Variants in MYO1E observed in about 807,000 individuals in gnomAD.
MYO1E encodes unconventional myosin-Ie.
MYO1E carries 68 observed loss-of-function variants against 151.1 expected under a neutral mutation model. That is an observed-to-expected ratio of 0.45 (90% confidence interval 0.37 to 0.55). MYO1E has a LOEUF of 0.55. Ranked by LOEUF, MYO1E falls within the 20% of genes least tolerant of loss-of-function variation. The pLI is 0.00. For synonymous variants in MYO1E, 601 were observed against 501.7 expected (o/e 1.20, Z -2.64); for missense variants, 1,363 against 1,389.3 (o/e 0.98, Z 0.30).
At chr15:59,178,784 T>C (rs535508685) in intron 18 of MYO1E, among the ~76,000 whole-genome samples, 24 of 152,334 alleles carry the variant, frequency 1.6e-4, no homozygotes, top group Non-Finnish European at 2.6e-4. Context: ...GTCAACACCC[T>C]GGTGAAAACC....
chr15:59,168,666 G>A (rs2079575166), intron 22 of MYO1E, among the ~76,000 whole-genome samples: 1 of 152,076 alleles, frequency 6.6e-6, no homozygotes, highest in Non-Finnish European at 1.5e-5. Context: ...TAACTACCAG[G>A]CTGGAGTGCA....
intron 12 of MYO1E, 102 bp downstream of exon 12, chr15:59,214,126 T>C (rs2079898721): frequency 1.1e-6 from 1 of 951,738 alleles, no homozygotes; most frequent in Non-Finnish European, 1.6e-6. Context: ...TTTCCTAATA[T>C]AAGACTGGAA....
intron 1 of MYO1E, among the ~76,000 whole-genome samples, chr15:59,313,401 A>G (rs1265482574): frequency 1.3e-5 from 2 of 152,320 alleles, no homozygotes; most frequent in African/African-American, 2.4e-5. Flanking sequence ...TCATGGTTCT[A>G]TGGGACAAGA....
chr15:59,307,392 C>A (rs2080520997), intron 1 of MYO1E, among the ~76,000 whole-genome samples: 1 of 152,176 alleles, frequency 6.6e-6, no homozygotes, highest in Non-Finnish European at 1.5e-5. Context: ...GGCTTACAGA[C>A]AACAGCAGCT....
chr15:59,236,289 G>A (rs1298714736), intron 5 of MYO1E, among the ~76,000 whole-genome samples: 1 of 150,672 alleles, frequency 6.6e-6, no homozygotes, highest in African/African-American at 2.4e-5. Context: ...GTTGTGGTGA[G>A]CCGAGATCGC....
At chr15:59,325,180 C>A (rs368593709) in intron 1 of MYO1E, among the ~76,000 whole-genome samples, 2 of 152,076 alleles carry the variant, frequency 1.3e-5, no homozygotes, top group African/African-American at 4.8e-5. Flanking sequence ...TGACTACAGG[C>A]GCCCGTCACC....
chr15:59,140,066 T>TTG lies in MYO1E; in HGVS notation c.3081-1701_3081-1700dup, dbSNP rs71425844. Among the ~76,000 whole-genome samples, 707 of 150,280 alleles carry TTG rather than the reference T, an allele frequency of 4.7e-3. 1 individual carries two copies. Among genetic ancestry groups the TTG allele is most frequent in the South Asian group, 0.014 (65 of 4,740 alleles). Reference sequence around the variant, plus strand: ...GACATTTGCGGCTGGGAATTCTCTGTTGTGTGTGTGTGTGTGTGTGTATGG... The same window carrying TTG: ...GACATTTGCGGCTGGGAATTCTCTGTTGTGTGTGTGTGTGTGTGTGTGTATGG... On this transcript the variant is annotated intron_variant, in intron 26 of 27. Coordinates refer to ENST00000288235, the MANE Select transcript of MYO1E (RefSeq NM_004998.4).
chr15:59,158,492 G>GA, intron 24 of MYO1E, 113 bp from the exon 25 acceptor site: 4 of 797,204 alleles, frequency 5.0e-6, no homozygotes, highest in Non-Finnish European at 8.6e-6. Context: ...CTCTCAGGTG[G>GA]ATCTGCAGGA....
At chr15:59,147,189 C>T (rs1207413236) in intron 26 of MYO1E, among the ~76,000 whole-genome samples, 1 of 152,190 alleles carries the variant, frequency 6.6e-6, no homozygotes, top group African/African-American at 2.4e-5. Context: ...AAACAAAACC[C>T]CAAATGACAT....
intron 26 of MYO1E, among the ~76,000 whole-genome samples, chr15:59,140,888 C>A (rs1471672160): frequency 6.6e-6 from 1 of 152,158 alleles, no homozygotes; most frequent in African/African-American, 2.4e-5. Context: ...ACCACCACCA[C>A]CCCCCTGCAC....
In MYO1E at chr15:59,170,676, T is replaced by G. The variant is rs140252490; in HGVS notation, c.2480+1221A>C. ...CTGCGGACTCATCTGCTTAGCAACT[T>G]TACCACATCCTGAGTTGGCACGTTT... On this transcript the variant is annotated intron_variant, in intron 22 of 27. Transcript: ENST00000288235. Among the ~76,000 whole-genome samples the G allele has an allele frequency of 5.4e-3, 817 of 152,238 alleles. 7 individuals are homozygous for G. Among genetic ancestry groups the G allele is most frequent in the African/African-American group, 0.019 (782 of 41,544 alleles).
chr15:59,292,419 G>C (rs918659509), intron 1 of MYO1E, among the ~76,000 whole-genome samples: 4 of 152,164 alleles, frequency 2.6e-5, no homozygotes, highest in Admixed American at 1.3e-4. Flanking sequence ...CGACTGGCAG[G>C]CATATGAGTT....
At chr15:59,369,270 C>T (rs2080931482) in intron 1 of MYO1E, among the ~76,000 whole-genome samples, 1 of 152,174 alleles carries the variant, frequency 6.6e-6, no homozygotes, top group Non-Finnish European at 1.5e-5. Context: ...ATAATTTCCT[C>T]ACAAGTATAT....
At chr15:59,308,275 C>A (rs2080527819) in intron 1 of MYO1E, among the ~76,000 whole-genome samples, 1 of 149,388 alleles carries the variant, frequency 6.7e-6, no homozygotes, top group South Asian at 2.1e-4. Flanking sequence ...GTGGCTCACA[C>A]CTGTAATCCC....
intron 1 of MYO1E, among the ~76,000 whole-genome samples, chr15:59,308,434 G>A (rs1222555536): frequency 6.6e-6 from 1 of 151,998 alleles, no homozygotes; most frequent in Non-Finnish European, 1.5e-5. Context: ...CACTTTGGGA[G>A]GCCAAGGCGG....
intron 1 of MYO1E, among the ~76,000 whole-genome samples, chr15:59,304,503 T>G (rs1445976690): frequency 3.3e-5 from 5 of 152,230 alleles, no homozygotes; most frequent in Non-Finnish European, 7.3e-5. Context: ...TTATAGGTGC[T>G]ACTAGAAAAA....
chr15:59,337,669 A>G lies in MYO1E; in HGVS notation c.3+34829T>C, dbSNP rs910774955. On this transcript the variant is annotated intron_variant, in intron 1 of 27. Transcript: ENST00000288235. ...AACATGGAGAAACCCCGTCTCTACTAAAAGTATAAAAAATTAGCCGGGCGT... is the reference window on the plus strand; with the variant it reads ...AACATGGAGAAACCCCGTCTCTACTGAAAGTATAAAAAATTAGCCGGGCGT... 3.3e-5 allele frequency among the ~76,000 whole-genome samples: 5 copies of G among 152,278 alleles called. No individual in the cohort carries two copies. The South Asian group carries it at 8.3e-4, about 25-fold the overall frequency.
At chr15:59,301,571 T>C (rs776994109) in intron 1 of MYO1E, among the ~76,000 whole-genome samples, 2 of 152,246 alleles carry the variant, frequency 1.3e-5, no homozygotes, top group East Asian at 1.9e-4. Context: ...TAATGTTTAA[T>C]TGAAGAGATC....
intron 21 of MYO1E, among the ~76,000 whole-genome samples, chr15:59,173,419 C>T (rs935958800): frequency 2.0e-5 from 3 of 148,722 alleles, no homozygotes; most frequent in African/African-American, 4.8e-5. Context: ...GTATTACTAT[C>T]GAAAATTCTC....
Sources: allele counts gnomAD v4.1 joint callset (sites outside exome capture counted in the v4.1 genomes callset), GRCh38; gene constraint gnomAD v4.1.1; transcripts MANE v1.5; gene names NCBI Gene and HGNC (gene_info 2026-07-23, HGNC 2026-07-21).